Variants in SLC23A2 observed in about 807,000 individuals in gnomAD.
SLC23A2 encodes the protein solute carrier family 23 member 2.
A neutral mutation model predicts 73.3 loss-of-function variants in SLC23A2; 36 were observed. The ratio of observed to expected loss-of-function variants is 0.49; its 90% CI spans 0.38 to 0.65. SLC23A2 has a LOEUF of 0.65. Ranked by LOEUF, SLC23A2 falls within the 30% of genes least tolerant of loss-of-function variation. The pLI is 0.00. For missense variants in SLC23A2, 507 were observed against 841.6 expected, an observed-to-expected ratio of 0.60 and a Z score of 4.92; for synonymous variants, 343 against 327.3, an observed-to-expected ratio of 1.05 and a Z score of -0.52.
chr20:4,855,052 G>A lies in SLC23A2; in HGVS notation c.*1920C>T, dbSNP rs964813736. ...AACCGCGAGCCAGTGTGCTTCTAAAGTATGCATCAAAGACACATTTAAAAA... is the reference window on the plus strand; with the variant it reads ...AACCGCGAGCCAGTGTGCTTCTAAAATATGCATCAAAGACACATTTAAAAA... On this transcript the variant is annotated 3_prime_UTR_variant, in exon 17 of 17. Coordinates refer to ENST00000338244, the MANE Select transcript of SLC23A2 (RefSeq NM_005116.6). 6 of 152,590 alleles carry A rather than the reference G, an allele frequency of 3.9e-5. No individual in the cohort carries two copies. The highest frequency in any genetic ancestry group is 1.4e-4 in the African/African-American group (6 of 41,430). 9.5% of individuals were successfully genotyped at this position (152,590 alleles called of 1,614,324 possible). A position where few individuals can be genotyped will look rare whatever the true frequency, so the allele number is the denominator to read the frequency against.
At chr20:4,954,842 C>G (rs976514044) in intron 2 of SLC23A2, among the ~76,000 whole-genome samples, 5 of 151,996 alleles carry the variant, frequency 3.3e-5, no homozygotes, top group African/African-American at 9.7e-5. Flanking sequence ...ATACCAAAGG[C>G]AATGAGATAC....
intron 1 of SLC23A2, among the ~76,000 whole-genome samples, chr20:4,987,837 C>T (rs1258398458): frequency 6.7e-6 from 1 of 149,578 alleles, no homozygotes; most frequent in Non-Finnish European, 1.5e-5. Context: ...CAGAGCAGGA[C>T]TCCATCTCAA....
Position 4,868,530 on chromosome 20 carries a change from A to G in SLC23A2, c.1251-655T>C, listed in dbSNP as rs1406425434. On this transcript the variant is annotated intron_variant, in intron 12 of 16. Transcript: ENST00000338244. This position sits in a 1 kb window ranked among gnomAD's most constrained non-coding sequence, Gnocchi z 4.4. ...CCATTTGTTGGGGTATAAGACAAAC[A>G]TGGGCCGTCTATGGAAATAAAACAT... Among the ~76,000 whole-genome samples, 1 of 152,248 alleles carries G rather than the reference A, an allele frequency of 6.6e-6. No individual in the cohort carries two copies. Among genetic ancestry groups the G allele is most frequent in the Non-Finnish European group, 1.5e-5 (1 of 68,046 alleles).
intron 4 of SLC23A2, among the ~76,000 whole-genome samples, chr20:4,905,830 G>A (rs6084929): frequency 1.3e-5 from 2 of 152,160 alleles, no homozygotes; most frequent in East Asian, 3.8e-4. Context: ...TGCAGCCTTA[G>A]GCAATAGGTA....
Position 4,998,886 on chromosome 20 carries a change from A to G in SLC23A2, c.-282+2520T>C. Among the ~76,000 whole-genome samples, 1 of 150,318 alleles carries G rather than the reference A, an allele frequency of 6.7e-6. No homozygotes were observed. The highest frequency in any genetic ancestry group is 1.5e-5 in the Non-Finnish European group (1 of 67,536). On this transcript the variant is annotated intron_variant, in intron 1 of 16. Transcript: ENST00000338244. The surrounding 1 kb of genome is among the most constrained non-coding windows in gnomAD (Gnocchi z 4.1). Reference sequence around the variant, plus strand: ...GTGGCACGATCTCGACTCACTGCAAACTCCACCTCCCAGGTTCAAGCGATT... The same window carrying G: ...GTGGCACGATCTCGACTCACTGCAAGCTCCACCTCCCAGGTTCAAGCGATT...
chr20:4,963,977 T>C (rs1168506168), intron 2 of SLC23A2, among the ~76,000 whole-genome samples: 4 of 152,086 alleles, frequency 2.6e-5, no homozygotes, highest in Non-Finnish European at 4.4e-5. Flanking sequence ...ACTTTGGATA[T>C]ACTGCTAGTG....
Position 4,856,553 on chromosome 20 carries a change from A to G in SLC23A2, c.*419T>C, listed in dbSNP as rs1211311305. ...GAGGAGGTCTCCGCGGGCACAGACG[A>G]GGGTCAAATGACAAGGAAACAGGTC... On this transcript the variant is annotated 3_prime_UTR_variant, in exon 17 of 17. Transcript: ENST00000338244. The surrounding 1 kb of genome is among the most constrained non-coding windows in gnomAD (Gnocchi z 4.6). The G allele has an allele frequency of 6.1e-6, 1 of 162,680 alleles. No individual in the cohort carries two copies. Among genetic ancestry groups the G allele is most frequent in the Non-Finnish European group, 1.3e-5 (1 of 74,982 alleles). The allele number at this position is 162,680 out of a possible 1,614,324, so 10.1% of individuals were successfully genotyped here. A position where few individuals can be genotyped will look rare whatever the true frequency, so the allele number is the denominator to read the frequency against.
intron 1 of SLC23A2, among the ~76,000 whole-genome samples, chr20:5,009,694 C>T (rs535629929): frequency 1.3e-5 from 2 of 151,942 alleles, no homozygotes; most frequent in African/African-American, 4.8e-5. Flanking sequence ...AGGTGAAATG[C>T]GAAGGGAAAG....
Position 4,990,664 on chromosome 20 carries a change from C to T in SLC23A2, c.-282+10742G>A, listed in dbSNP as rs372672747. The stretch of plus-strand genomic sequence containing the variant: ...CTGGGATTTCAGGCGTGAGCCACTG[C>T]CCCGGCCTCCATCTCTTATCTTATT... On this transcript the variant is annotated intron_variant, in intron 1 of 16. Coordinates refer to ENST00000338244, the MANE Select transcript of SLC23A2 (RefSeq NM_005116.6). 7.0e-4 allele frequency among the ~76,000 whole-genome samples: 104 copies of T among 147,804 alleles called. 1 individual carries two copies. The highest frequency in any genetic ancestry group is 1.3e-3 in the Non-Finnish European group (87 of 67,184).
chr20:4,918,824 TA>T (rs1455772778), intron 3 of SLC23A2, among the ~76,000 whole-genome samples: 1 of 152,220 alleles, frequency 6.6e-6, no homozygotes, highest in East Asian at 1.9e-4. Flanking sequence ...CACTTTATAC[TA>T]AACCAATCGC....
intron 16 of SLC23A2, 46 bp downstream of exon 16, chr20:4,859,243 T>TAAAAAAAAAAAAAAAAAAAAAAAAAAAA (rs781271986): frequency 9.6e-7 from 1 of 1,042,684 alleles, no homozygotes. Context: ...AACACATATG[T>TAAAAAAAAAAAAAAAAAAAAAAAAAAAA]TAAAAAATAA....
intron 1 of SLC23A2, among the ~76,000 whole-genome samples, chr20:4,973,777 T>C (rs927343030): frequency 1.3e-5 from 2 of 152,036 alleles, no homozygotes; most frequent in African/African-American, 2.4e-5. Flanking sequence ...AGAGGAAACA[T>C]CACTTGGGAC....
At chr20:4,967,611 G>C (rs2087493946) in intron 2 of SLC23A2, among the ~76,000 whole-genome samples, 1 of 152,088 alleles carries the variant, frequency 6.6e-6, no homozygotes, top group Admixed American at 6.6e-5. Flanking sequence ...CGACATGTTT[G>C]GTAATGAGAA....
At chr20:4,913,306 A>G (rs1600127624) in intron 3 of SLC23A2, among the ~76,000 whole-genome samples, 1 of 152,120 alleles carries the variant, frequency 6.6e-6, no homozygotes, top group East Asian at 1.9e-4. Flanking sequence ...CCCTGCCCAC[A>G]TAACCACCTG....
At position 4,857,016 on chromosome 20, in the gene SLC23A2, C is replaced by T. The variant is rs762894105; in HGVS notation, c.1909G>A (p.Asp637Asn). 61 of 1,614,014 alleles carry T rather than the reference C, an allele frequency of 3.8e-5. 1 individual carries two copies. The South Asian group carries it at 5.8e-4, about 15-fold the overall frequency. Reference sequence around the variant, plus strand: ...TCTTCATCTGAACTCCGGCTGTTGTCGCTCTTCCTGAGGCCTTTCCATGTG... The same window carrying T: ...TCTTCATCTGAACTCCGGCTGTTGTTGCTCTTCCTGAGGCCTTTCCATGTG... ...GYTWKGLRKS[D>N]NSRSSDEDSQ... The change falls in exon 17 of 17, where the codon GAC (aspartate) becomes AAC (asparagine). Residue 637 changes from aspartate to asparagine, a missense_variant. Physicochemically the swap from Asp to Asn is conservative, Grantham distance 23 (BLOSUM62 1). Coordinates refer to ENST00000338244, the MANE Select transcript of SLC23A2 (RefSeq NM_005116.6). The surrounding 1 kb of genome is among the most constrained non-coding windows in gnomAD (Gnocchi z 4.0).
At chr20:4,893,110 G>A (rs1055982580) in intron 6 of SLC23A2, among the ~76,000 whole-genome samples, 1 of 151,658 alleles carries the variant, frequency 6.6e-6, no homozygotes, top group Non-Finnish European at 1.5e-5. Context: ...TGTCTCCCAG[G>A]CTGGAATGCA....
At chr20:4,930,042 AG>A (rs1365559451) in intron 3 of SLC23A2, among the ~76,000 whole-genome samples, 1 of 152,260 alleles carries the variant, frequency 6.6e-6, no homozygotes, top group Non-Finnish European at 1.5e-5. Context: ...ACAAGGAATG[AG>A]GAAGCTGACA....
intron 2 of SLC23A2, among the ~76,000 whole-genome samples, chr20:4,959,637 A>G (rs1177000220): frequency 6.6e-6 from 1 of 152,000 alleles, no homozygotes; most frequent in African/African-American, 2.4e-5. Flanking sequence ...AGATGGGACT[A>G]TAGGTGTGCG....
intron 1 of SLC23A2, among the ~76,000 whole-genome samples, chr20:4,981,187 G>C (rs1196053318): frequency 6.6e-6 from 1 of 152,098 alleles, no homozygotes; most frequent in Non-Finnish European, 1.5e-5. Flanking sequence ...ATAGACCAGG[G>C]ACAACCCTAC....
Sources: gnomAD v4.1 joint callset for allele counts (sites outside exome capture counted in the v4.1 genomes callset) on GRCh38, gnomAD v4.1.1 for gene constraint, Gnocchi (gnomAD v3.1) non-coding constraint, MANE v1.5 for transcripts, NCBI Gene and HGNC (gene_info 2026-07-23, HGNC 2026-07-21) for gene names.